The following CDKAL1 variants were observed in gnomAD, a reference collection of about 807,000 sequenced individuals.
CDKAL1 encodes CDKAL1 threonylcarbamoyladenosine tRNA methylthiotransferase.
Under a neutral mutation model 68.2 loss-of-function variants are expected in CDKAL1, and 32 were observed. That is an observed-to-expected ratio of 0.47 (90% CI 0.35 to 0.63). CDKAL1 has a LOEUF of 0.63. Among genes scored for constraint, CDKAL1 ranks in the 30% least tolerant of loss-of-function variants. The pLI, the probability that CDKAL1 is intolerant of heterozygous loss-of-function variation, is 0.00. For missense variants in CDKAL1, 606 were observed against 696.7 expected (o/e 0.87, Z 1.47); for synonymous variants, 234 against 244.3 (o/e 0.96, Z 0.39).
In CDKAL1 at chr6:20,734,948, C is replaced by A. The variant is rs1581473242; in HGVS notation, c.372-4571C>A. Reference sequence around the variant, plus strand: ...GCAGTGGTGCGATCTTGGCTCACTGCAACCTCCACCTCCCTGGTTCAAGCA... The same window carrying A: ...GCAGTGGTGCGATCTTGGCTCACTGAAACCTCCACCTCCCTGGTTCAAGCA... On this transcript the variant is annotated intron_variant, in intron 5 of 15. Transcript: ENST00000274695. Among the ~76,000 whole-genome samples the A allele has an allele frequency of 2.1e-5, 3 of 143,628 alleles. No homozygotes were observed. In the Admixed American group the frequency reaches 2.2e-4, roughly 11 times the overall value. The allele number at this position is 143,628 out of a possible 152,430, so 94.2% of individuals were successfully genotyped here.
intron 13 of CDKAL1, among the ~76,000 whole-genome samples, chr6:21,150,171 T>C (rs889759760): frequency 1.3e-5 from 2 of 152,168 alleles, no homozygotes; most frequent in Non-Finnish European, 2.9e-5. Flanking sequence ...CCTGAACGTT[T>C]CTGTTCCAAC....
At chr6:20,922,668 A>G (rs950365668) in intron 9 of CDKAL1, among the ~76,000 whole-genome samples, 13 of 152,230 alleles carry the variant, frequency 8.5e-5, no homozygotes, top group Admixed American at 5.9e-4. Context: ...CCAAAACAAC[A>G]ATCTTCAGTT....
chr6:20,834,431 A>G lies in CDKAL1; in HGVS notation c.639-11644A>G, dbSNP rs115234476. Reference sequence around the variant, plus strand: ...CCTCTGGGTTCCAATCTCATCTCCTATGGAATTTCTAACATACCAGCTTCT... The same window carrying G: ...CCTCTGGGTTCCAATCTCATCTCCTGTGGAATTTCTAACATACCAGCTTCT... On this transcript the variant is annotated intron_variant, in intron 8 of 15. Coordinates refer to ENST00000274695, the MANE Select transcript of CDKAL1 (RefSeq NM_017774.3). Among the ~76,000 whole-genome samples, 364 of 152,306 alleles carry G rather than the reference A, an allele frequency of 2.4e-3. 2 individuals are homozygous for G. Among genetic ancestry groups the G allele is most frequent in the African/African-American group, 6.2e-3 (256 of 41,554 alleles).
chr6:20,623,181 C>G (rs1767274498), intron 4 of CDKAL1, among the ~76,000 whole-genome samples: 1 of 151,986 alleles, frequency 6.6e-6, no homozygotes, highest in African/African-American at 2.4e-5. Flanking sequence ...TTGGTTGTTG[C>G]AGAAAGCCCA....
At chr6:20,938,239 GC>G (rs1425934877) in intron 9 of CDKAL1, among the ~76,000 whole-genome samples, 1 of 151,940 alleles carries the variant, frequency 6.6e-6, no homozygotes, top group Non-Finnish European at 1.5e-5. Context: ...CTCTTGATTT[GC>G]CCTCATAATT....
chr6:20,540,228 T>A (rs759298190), intron 2 of CDKAL1, among the ~76,000 whole-genome samples: 72 of 150,622 alleles, frequency 4.8e-4, no homozygotes, highest in Non-Finnish European at 8.7e-4. Flanking sequence ...CGCTCGCCAC[T>A]ATGCCTGGCT....
chr6:20,574,163 A>G (rs1429920644), intron 4 of CDKAL1, among the ~76,000 whole-genome samples: 1 of 152,194 alleles, frequency 6.6e-6, no homozygotes, highest in Non-Finnish European at 1.5e-5. Context: ...TAATTGGAAA[A>G]TAAGCTTTTT....
chr6:20,729,653 T>C (rs1772817225), intron 5 of CDKAL1, among the ~76,000 whole-genome samples: 1 of 152,188 alleles, frequency 6.6e-6, no homozygotes, highest in Non-Finnish European at 1.5e-5. Context: ...TAGGAAATTC[T>C]ATTACAGGTA....
chr6:20,955,436 T>C lies in CDKAL1; in HGVS notation c.760T>C (p.Trp254Arg), dbSNP rs771460516. ...ATTCACAGAGGGTGTTTGTGAGATATGGTTGACCAGTGAAGACACGGGGGC... is the reference window on the plus strand; with the variant it reads ...ATTCACAGAGGGTGTTTGTGAGATACGGTTGACCAGTGAAGACACGGGGGC... The part of the protein sequence containing the change: ...QSFQEGVCEI[W>R]LTSEDTGAYG... The change falls in exon 10 of 16, where the codon TGG (tryptophan) becomes CGG (arginine). Residue 254 changes from tryptophan (W) to arginine (R), a missense_variant. By Grantham distance (101) the Trp-to-Arg change is moderately radical. Coordinates refer to ENST00000274695, the MANE Select transcript of CDKAL1 (RefSeq NM_017774.3). 1.2e-6 allele frequency: 2 copies of C among 1,614,182 alleles called. No individual in the cohort carries two copies. The highest frequency in any genetic ancestry group is 1.3e-5 in the African/African-American group (1 of 75,054).
chr6:20,959,138 A>G (rs1466021485), intron 10 of CDKAL1, among the ~76,000 whole-genome samples: 1 of 152,202 alleles, frequency 6.6e-6, no homozygotes, highest in Non-Finnish European at 1.5e-5. Flanking sequence ...TGTACTGAAT[A>G]AAAGGAAGGG....
At chr6:20,819,517 T>C (rs1047774108) in intron 8 of CDKAL1, among the ~76,000 whole-genome samples, 4 of 152,176 alleles carry the variant, frequency 2.6e-5, no homozygotes, top group African/African-American at 9.6e-5. Flanking sequence ...TTTCTGATGA[T>C]CAAATGGATT....
At chr6:21,041,809 C>T (rs16884420) in intron 11 of CDKAL1, among the ~76,000 whole-genome samples, 2,840 of 152,078 alleles carry the variant, frequency 0.019, 80 homozygotes, top group African/African-American at 0.063. Flanking sequence ...GGTAAAATCA[C>T]GTAACATCAA....
intron 9 of CDKAL1, among the ~76,000 whole-genome samples, chr6:20,892,244 G>A (rs1761447046): frequency 6.6e-6 from 1 of 152,172 alleles, no homozygotes. Flanking sequence ...AGTAGGGAGG[G>A]AGAGGGAGAG....
At chr6:20,976,189 G>C (rs949583039) in intron 10 of CDKAL1, among the ~76,000 whole-genome samples, 4 of 151,846 alleles carry the variant, frequency 2.6e-5, no homozygotes, top group Admixed American at 2.6e-4. Flanking sequence ...CCTTTTTCTG[G>C]CCTCAGAACT....
intron 8 of CDKAL1, among the ~76,000 whole-genome samples, chr6:20,788,178 C>T (rs990137578): frequency 3.3e-5 from 5 of 152,180 alleles, no homozygotes; most frequent in Non-Finnish European, 5.9e-5. Context: ...ACATACAGAG[C>T]AATCTCCTCT....
chr6:20,942,361 A>C (rs968456000), intron 9 of CDKAL1, among the ~76,000 whole-genome samples: 5 of 101,602 alleles, frequency 4.9e-5, no homozygotes, highest in African/African-American at 1.9e-4. Context: ...AAATGTATAT[A>C]TATACTTTTT....
At chr6:20,697,545 A>C (rs1019207743) in intron 5 of CDKAL1, among the ~76,000 whole-genome samples, 1 of 152,184 alleles carries the variant, frequency 6.6e-6, no homozygotes, top group Non-Finnish European at 1.5e-5. Flanking sequence ...GTTCTTGATT[A>C]TTTTTGAGGT....
intron 13 of CDKAL1, among the ~76,000 whole-genome samples, chr6:21,164,355 T>C (rs1777051910): frequency 6.6e-6 from 1 of 151,924 alleles, no homozygotes; most frequent in East Asian, 1.9e-4. Flanking sequence ...GGGACCTAGA[T>C]TTAGCCAGAA....
At position 21,189,079 on chromosome 6, in the gene CDKAL1, G is replaced by A. The variant is rs564874882; in HGVS notation, c.1300-8942G>A. Reference sequence around the variant, plus strand: ...GGGATTTTGCCCCCAGCTGGGAAGAGACTACCTCGGATTGTCTTCCTCTTA... The same window carrying A: ...GGGATTTTGCCCCCAGCTGGGAAGAAACTACCTCGGATTGTCTTCCTCTTA... On this transcript the variant is annotated intron_variant, in intron 13 of 15. Coordinates refer to ENST00000274695, the MANE Select transcript of CDKAL1 (RefSeq NM_017774.3). Among the ~76,000 whole-genome samples the A allele has an allele frequency of 2.6e-5, 4 of 152,296 alleles. No homozygotes were observed. The East Asian group carries it at 7.7e-4, about 29-fold the overall frequency.
Sources: allele counts gnomAD v4.1 joint callset (sites outside exome capture counted in the v4.1 genomes callset), GRCh38; gene constraint gnomAD v4.1.1; transcripts MANE v1.5; gene names NCBI Gene and HGNC (gene_info 2026-07-23, HGNC 2026-07-21).